PITPNM2: variants seen among roughly 807,000 people sequenced by gnomAD.
PITPNM2 encodes the protein phosphatidylinositol transfer protein membrane associated 2.
A neutral mutation model predicts 132.2 loss-of-function variants in PITPNM2; 35 were observed. That is an observed-to-expected ratio of 0.26 (90% CI 0.20 to 0.35). The LOEUF is 0.35. Among genes scored for constraint, PITPNM2 ranks in the 10% least tolerant of loss-of-function variants. The pLI is 1.00. For synonymous variants in PITPNM2, 738 were observed against 799.2 expected, an observed-to-expected ratio of 0.92 and a Z score of 1.29; for missense variants, 1,332 against 1,912.0, an observed-to-expected ratio of 0.70 and a Z score of 5.66.
At chr12:123,120,956 G>A (rs1022644035) in intron 1 of PITPNM2, among the ~76,000 whole-genome samples, 5 of 152,254 alleles carry the variant, frequency 3.3e-5, no homozygotes, top group Non-Finnish European at 1.5e-5. Flanking sequence ...CAGCAGGCCA[G>A]AGACACACTT....
intron 2 of PITPNM2, among the ~76,000 whole-genome samples, chr12:123,107,316 C>T (rs2042741161): frequency 6.6e-6 from 1 of 152,220 alleles, no homozygotes; most frequent in African/African-American, 2.4e-5. Context: ...AAGCTCTGCT[C>T]ACCAATGCCG....
At chr12:123,131,391 C>A (rs2043258562) in intron 1 of PITPNM2, among the ~76,000 whole-genome samples, 1 of 152,226 alleles carries the variant, frequency 6.6e-6, no homozygotes, top group African/African-American at 2.4e-5. Context: ...AGGCCGGGAA[C>A]AGATACTCGT....
chr12:123,044,313 A>G (rs1171342439), intron 2 of PITPNM2, among the ~76,000 whole-genome samples: 1 of 152,204 alleles, frequency 6.6e-6, no homozygotes, highest in Non-Finnish European at 1.5e-5. Flanking sequence ...AGGGCTTTTC[A>G]GGAGGCCACT....
At chr12:123,123,289 T>G (rs968925354) in intron 1 of PITPNM2, among the ~76,000 whole-genome samples, 1 of 152,182 alleles carries the variant, frequency 6.6e-6, no homozygotes, top group Non-Finnish European at 1.5e-5. Context: ...TGCACAACAA[T>G]AGGCAGCCAT....
chr12:123,055,891 GACAC>G (rs34425339), intron 2 of PITPNM2, among the ~76,000 whole-genome samples: 7 of 149,032 alleles, frequency 4.7e-5, no homozygotes, highest in Non-Finnish European at 9.0e-5. Flanking sequence ...ATAGTTTGAA[GACAC>G]ACACACACAC....
chr12:123,007,903 G>A (rs1427393315), intron 6 of PITPNM2, among the ~76,000 whole-genome samples: 3 of 152,240 alleles, frequency 2.0e-5, no homozygotes, highest in South Asian at 2.1e-4. Flanking sequence ...GAAGCCCAGC[G>A]TAGCTCACAT....
At chr12:122,989,351 A>G (rs917657745) in intron 18 of PITPNM2, among the ~76,000 whole-genome samples, 6 of 152,152 alleles carry the variant, frequency 3.9e-5, no homozygotes. Flanking sequence ...CCTGAGACAC[A>G]GCAGTGTGGG....
At chr12:123,034,072 A>G (rs1267431073) in intron 3 of PITPNM2, among the ~76,000 whole-genome samples, 1 of 152,202 alleles carries the variant, frequency 6.6e-6, no homozygotes, top group Non-Finnish European at 1.5e-5. Context: ...CAAGCCAGGA[A>G]GAGGGCCCTC....
Position 122,986,059 on chromosome 12 carries a change from G to C in PITPNM2, c.4018C>G (p.Leu1340Val). 2.1e-6 allele frequency: 3 copies of C among 1,415,280 alleles called. No homozygotes were observed. Among genetic ancestry groups the C allele is most frequent in the Non-Finnish European group, 2.7e-6 (3 of 1,096,140 alleles). The allele number at this position is 1,415,280 out of a possible 1,614,324, so 87.7% of individuals were successfully genotyped here. A position where few individuals can be genotyped will look rare whatever the true frequency, so the allele number is the denominator to read the frequency against. The change falls in exon 26 of 26, where the codon CTG becomes GTG. Residue 1340 changes from leucine (L) to valine (V), a missense_variant. This residue lies in a region of PITPNM2 where 163 missense variants were observed against 177.2 expected (regional missense o/e 0.92). Transcript: ENST00000320201. ...GGGCCCGCGGCTGCCCCCGGCTCCA[G>C]GCGGCCAGTCATGGCGCGGCCCCAG... ...GCWGRAMTGR[L>V]EPGAAAGPK is the part of the protein sequence containing the mutation.
intron 1 of PITPNM2, among the ~76,000 whole-genome samples, chr12:123,134,074 AT>A (rs539832466): frequency 2.1e-4 from 32 of 149,900 alleles, no homozygotes; most frequent in South Asian, 6.4e-4. Context: ...TACTTTATCC[AT>A]TTTTTTTTTA....
intron 2 of PITPNM2, among the ~76,000 whole-genome samples, 168 bp downstream of exon 2, chr12:123,110,217 G>T (rs951316926): frequency 6.6e-6 from 1 of 152,234 alleles, no homozygotes; most frequent in African/African-American, 2.4e-5. Flanking sequence ...GCCTCCCAAA[G>T]TGCTGGGATT....
rs538394019 is a variant in PITPNM2, at chr12:123,078,461, C to T, written c.-96+31924G>A. On this transcript the variant is annotated intron_variant, in intron 2 of 25. Coordinates refer to ENST00000320201, the MANE Select transcript of PITPNM2 (RefSeq NM_020845.3). The surrounding 1 kb of genome is among the most constrained non-coding windows in gnomAD (Gnocchi z 7.3). ...AGCCTGGGCCCTCCGTCTCACGCCA[C>T]GATGCCCAGCCAGAGCCTGAAGTCG... Among the ~76,000 whole-genome samples the T allele has an allele frequency of 2.5e-3, 375 of 152,314 alleles. No individual in the cohort carries two copies. The highest frequency in any genetic ancestry group is 8.5e-3 in the African/African-American group (355 of 41,566).
intron 3 of PITPNM2, among the ~76,000 whole-genome samples, chr12:123,024,677 A>G (rs2039791011): frequency 6.6e-6 from 1 of 152,216 alleles, no homozygotes; most frequent in African/African-American, 2.4e-5. Context: ...ACACAAAAGG[A>G]CACATATTGT....
chr12:122,995,803 GC>G, intron 13 of PITPNM2, 143 bp from the exon 14 acceptor site: 1 of 1,178,616 alleles, frequency 8.5e-7, no homozygotes, highest in Non-Finnish European at 1.2e-6. Context: ...AGAGGGGAGG[GC>G]CCCATTCCCT....
At chr12:123,003,073 T>G (rs528850207) in intron 8 of PITPNM2, among the ~76,000 whole-genome samples, 18 of 152,300 alleles carry the variant, frequency 1.2e-4, no homozygotes, top group African/African-American at 3.8e-4. Context: ...CATCCAGCAG[T>G]GTCACAGAAC....
Position 122,994,718 on chromosome 12 carries a change from G to A in PITPNM2, c.2233+83C>T. ...AGAAACAGGCCTGGGACGTGGCCAT[G>A]ATCTCATCACAGGGGTCCACTGAGA... On this transcript the variant is annotated intron_variant, in intron 15 of 25. Transcript: ENST00000320201. The surrounding 1 kb of genome is among the most constrained non-coding windows in gnomAD (Gnocchi z 5.4). The A allele has an allele frequency of 7.0e-7, 1 of 1,422,630 alleles. No individual in the cohort carries two copies. 88.1% of individuals were successfully genotyped at this position (1,422,630 alleles called of 1,614,324 possible).
intron 1 of PITPNM2, among the ~76,000 whole-genome samples, chr12:123,113,939 T>C (rs1479465752): frequency 6.6e-6 from 1 of 152,248 alleles, no homozygotes; most frequent in Non-Finnish European, 1.5e-5. Context: ...AATGGAATCA[T>C]ATAATATGTA....
chr12:123,052,029 G>A (rs567961464), intron 2 of PITPNM2, among the ~76,000 whole-genome samples: 2 of 150,920 alleles, frequency 1.3e-5, no homozygotes, highest in Admixed American at 1.3e-4. Context: ...CAGCCTCCCG[G>A]GTAGTTGAGA....
chr12:122,989,610 C>T (rs2038096535), intron 18 of PITPNM2, among the ~76,000 whole-genome samples, 177 bp downstream of exon 18: 1 of 152,142 alleles, frequency 6.6e-6, no homozygotes, highest in South Asian at 2.1e-4. Flanking sequence ...CCTGGTCCCC[C>T]ACCCCACCAG....
Sources: allele counts gnomAD v4.1 joint callset (sites outside exome capture counted in the v4.1 genomes callset), GRCh38; gene constraint gnomAD v4.1.1; regional missense constraint gnomAD v4.1.1; non-coding constraint Gnocchi (gnomAD v3.1); transcripts MANE v1.5; gene names NCBI Gene and HGNC (gene_info 2026-07-23, HGNC 2026-07-21).